The following MRPL46 variants were observed in gnomAD, a reference collection of about 807,000 sequenced individuals.
MRPL46 encodes the protein mitochondrial ribosomal protein L46.
MRPL46 carries 26 observed loss-of-function variants against 31.0 expected under a neutral mutation model. That is an observed-to-expected ratio of 0.84 (90% CI 0.61 to 1.16). The LOEUF is 1.16. Ranked by LOEUF, MRPL46 falls within the 50% of genes most tolerant of loss-of-function variation. The probability of loss-of-function intolerance (pLI) is 0.00; values close to 1 mark genes in which losing one functional copy is unlikely to be tolerated. For synonymous variants in MRPL46, 159 were observed against 141.3 expected, an observed-to-expected ratio of 1.13 and a Z score of -0.89; for missense variants, 395 against 340.0, an observed-to-expected ratio of 1.16 and a Z score of -1.27.
chr15:88,459,938 T>G (rs902715709), intron 3 of MRPL46, 75 bp from the exon 4 acceptor site: 2 of 1,557,120 alleles, frequency 1.3e-6, no homozygotes, highest in African/African-American at 2.7e-5. Context: ...CTCCCAAAAT[T>G]ATAGGGGGTC....
chr15:88,464,916 T>C (rs749952367), intron 2 of MRPL46, 40 bp from the exon 3 acceptor site: 6 of 1,584,204 alleles, frequency 3.8e-6, no homozygotes, highest in Non-Finnish European at 5.1e-6. Flanking sequence ...AAGACTGTGA[T>C]CTGCCAGAAC....
rs1273393336 is a variant in MRPL46, at chr15:88,464,778, T to C, written c.514A>G (p.Ile172Val). ...REKFGDQDVW[I>V]LPQAEWQPGE... Reference sequence around the variant, plus strand: ...GGCTGCCACTCTGCCTGGGGCAGTATCCAAACATCCTGGTCTCCAAACTTC... The same window carrying C: ...GGCTGCCACTCTGCCTGGGGCAGTACCCAAACATCCTGGTCTCCAAACTTC... Residue 172 changes from isoleucine (I) to valine (V), a missense_variant, in exon 3 of 4, where the codon ATA becomes GTA. Physicochemically the swap from Ile to Val is conservative, Grantham distance 29 (BLOSUM62 3). Transcript: ENST00000312475. The C allele has an allele frequency of 1.2e-6, 2 of 1,614,002 alleles. No individual in the cohort carries two copies. The highest frequency in any genetic ancestry group is 4.5e-5 in the East Asian group (2 of 44,880).
chr15:88,464,966 C>T lies in MRPL46; in HGVS notation c.416-90G>A, dbSNP rs377028730. On this transcript the variant is annotated intron_variant, in intron 2 of 3. Transcript: ENST00000312475. Reference sequence around the variant, plus strand: ...TTTTACAATCTTCCTTTAAGATCCACAATCCTTGCCCTCAAAGAGCTTAGA... The same window carrying T: ...TTTTACAATCTTCCTTTAAGATCCATAATCCTTGCCCTCAAAGAGCTTAGA... 1.0e-3 allele frequency: 1,444 copies of T among 1,450,346 alleles called. 1 individual carries two copies. Among genetic ancestry groups the T allele is most frequent in the Non-Finnish European group, 1.2e-3 (1,287 of 1,072,772 alleles). 89.8% of individuals were successfully genotyped at this position (1,450,346 alleles called of 1,614,324 possible).
Position 88,464,944 on chromosome 15 carries a change from T to A in MRPL46, c.416-68A>T, listed in dbSNP as rs16941887. The A allele has an allele frequency of 0.013, 19,607 of 1,528,174 alleles. 2,033 individuals are homozygous for A. The African/African-American group carries it at 0.23, about 18-fold the overall frequency. The allele number at this position is 1,528,174 out of a possible 1,614,324, so 94.7% of individuals were successfully genotyped here. On this transcript the variant is annotated intron_variant, in intron 2 of 3. Coordinates refer to ENST00000312475, the MANE Select transcript of MRPL46 (RefSeq NM_022163.4). ...GCCAGAACCAAGAAACCTGGAGTTTTACAATCTTCCTTTAAGATCCACAAT... is the reference window on the plus strand; with the variant it reads ...GCCAGAACCAAGAAACCTGGAGTTTAACAATCTTCCTTTAAGATCCACAAT...
intron 1 of MRPL46, among the ~76,000 whole-genome samples, chr15:88,466,015 G>A (rs2055526907): frequency 6.6e-6 from 1 of 152,156 alleles, no homozygotes; most frequent in Non-Finnish European, 1.5e-5. Flanking sequence ...GGGGTCAAGA[G>A]TGCTACAAAA....
At position 88,464,835 on chromosome 15, in the gene MRPL46, G is replaced by C. The variant is rs901925126; in HGVS notation, c.457C>G (p.Leu153Val). The change falls in exon 3 of 4, where the codon CTA becomes GTA. Residue 153 changes from leucine (L) to valine (V), a missense_variant. Coordinates refer to ENST00000312475, the MANE Select transcript of MRPL46 (RefSeq NM_022163.4). The part of the protein sequence containing the change: ...KNDRTSLNRK[L>V]DRNLVLLVRE... The stretch of plus-strand genomic sequence containing the variant: ...ACTAACAGGACAAGGTTCCTGTCTA[G>C]CTTCCTGTTCAGGGATGTTCGGTCA... The C allele has an allele frequency of 1.4e-5, 23 of 1,613,988 alleles. No homozygotes were observed. Among genetic ancestry groups the C allele is most frequent in the Admixed American group, 1.7e-5 (1 of 60,002 alleles).
intron 3 of MRPL46, 121 bp downstream of exon 3, chr15:88,464,582 T>C: frequency 9.1e-7 from 1 of 1,096,952 alleles, no homozygotes; most frequent in Non-Finnish European, 1.3e-6. Flanking sequence ...TTTTATAAAC[T>C]TCAAAATTTC....
At position 88,467,207 on chromosome 15, in the gene MRPL46, AG is replaced by A. The variant is rs1283303403; in HGVS notation, c.170del (p.Pro57LeufsTer2). 1 of 1,614,014 alleles carries A rather than the reference AG, an allele frequency of 6.2e-7. No homozygotes were observed. The highest frequency in any genetic ancestry group is 8.5e-7 in the Non-Finnish European group (1 of 1,180,012). ...ATGGGGTCAACGGCTTGGAGACTAC[AG>A]GTGGCCGCTGCAGGCACAACGCGCC... ...LLGALCLQRP[P>X]VVSKPLTPLQ... is the part of the protein sequence containing the mutation. On this transcript the variant is annotated frameshift_variant, in exon 1 of 4. Coordinates refer to ENST00000312475, the MANE Select transcript of MRPL46 (RefSeq NM_022163.4). LOFTEE classifies it high-confidence loss of function.
chr15:88,465,210 C>G (rs1443749290), intron 2 of MRPL46: 1 of 412,062 alleles, frequency 2.4e-6, no homozygotes, highest in Admixed American at 4.1e-5. Context: ...CCCCTACTTT[C>G]TCTGTTCTTC....
rs369632468 is a variant in MRPL46 at position 88,464,914 on chromosome 15, G to GA, written c.416-39dup. Reference sequence around the variant, plus strand: ...GGGTCAGAGGAGGTAAGAAGACTGTGATCTGCCAGAACCAAGAAACCTGGA... The same window carrying GA: ...GGGTCAGAGGAGGTAAGAAGACTGTGAATCTGCCAGAACCAAGAAACCTGGA... On this transcript the variant is annotated intron_variant, in intron 2 of 3. Coordinates refer to ENST00000312475, the MANE Select transcript of MRPL46 (RefSeq NM_022163.4). The GA allele has an allele frequency of 2.4e-4, 383 of 1,583,606 alleles. No individual in the cohort carries two copies. The African/African-American group carries it at 4.4e-3, about 18-fold the overall frequency.
intron 2 of MRPL46, 81 bp downstream of exon 2, chr15:88,465,506 A>G (rs1371401864): frequency 1.5e-6 from 2 of 1,364,804 alleles, no homozygotes; most frequent in East Asian, 2.4e-5. Flanking sequence ...AACACAAAGC[A>G]GGGGCCAAGC....
chr15:88,465,712 C>CG lies in MRPL46; in HGVS notation c.289dup (p.Arg97ProfsTer8). 6.2e-7 allele frequency: 1 copy of CG among 1,613,806 alleles called. No homozygotes were observed. Among genetic ancestry groups the CG allele is most frequent in the Non-Finnish European group, 8.5e-7 (1 of 1,179,982 alleles). On this transcript the variant is annotated frameshift_variant, in exon 2 of 4. Coordinates refer to ENST00000312475, the MANE Select transcript of MRPL46 (RefSeq NM_022163.4). LOFTEE classifies it high-confidence loss of function. ...AAGGTCAGCTTTCTTCTTTGCCAGT[C>CG]GCTGGTTTTCATCCAGAGCACGAAG...
intron 3 of MRPL46, 79 bp downstream of exon 3, chr15:88,464,624 A>G: frequency 7.0e-7 from 1 of 1,424,592 alleles, no homozygotes; most frequent in Non-Finnish European, 9.6e-7. Flanking sequence ...CCTTAATCCA[A>G]TTCCCCAGTC....
chr15:88,466,312 T>G (rs563109346), intron 1 of MRPL46, among the ~76,000 whole-genome samples: 1 of 152,328 alleles, frequency 6.6e-6, no homozygotes, highest in South Asian at 2.1e-4. Context: ...AATCAAAATG[T>G]GATGTATTTG....
Position 88,459,843 on chromosome 15 carries a change from A to G in MRPL46, c.610T>C (p.Phe204Leu). The change falls in exon 4 of 4, where the codon TTC becomes CTC. Residue 204 changes from phenylalanine to leucine, a missense_variant. By Grantham distance (22) the Phe-to-Leu change is conservative. Coordinates refer to ENST00000312475, the MANE Select transcript of MRPL46 (RefSeq NM_022163.4). ...TGCCCACAGGGTGCATTTCCTAGGA[A>G]CTTGGCTTCCATGTTGTTTTCTGAA... ...TLSENNMEAK[F>L]LGNAPCGHYT... is the part of the protein sequence containing the mutation. 1 of 1,614,104 alleles carries G rather than the reference A, an allele frequency of 6.2e-7. No individual in the cohort carries two copies. The highest frequency in any genetic ancestry group is 1.1e-5 in the South Asian group (1 of 91,078).
At chr15:88,465,354 G>T (rs1326080445) in intron 2 of MRPL46, 8 of 453,096 alleles carry the variant, frequency 1.8e-5, no homozygotes, top group Non-Finnish European at 3.0e-5. Context: ...GTTAAACACA[G>T]ATAACATTCA....
In MRPL46 at chr15:88,459,841, G is replaced by C; in HGVS notation, c.612C>G (p.Phe204Leu). 6.2e-7 allele frequency: 1 copy of C among 1,614,074 alleles called. No homozygotes were observed. Among genetic ancestry groups the C allele is most frequent in the Non-Finnish European group, 8.5e-7 (1 of 1,179,984 alleles). Residue 204 changes from phenylalanine to leucine, a missense_variant, in exon 4 of 4, where the codon TTC (phenylalanine) becomes TTG (leucine). Transcript: ENST00000312475. ...AGTGCCCACAGGGTGCATTTCCTAG[G>C]AACTTGGCTTCCATGTTGTTTTCTG... ...TLSENNMEAKFLGNAPCGHYT... is the reference protein window; with the variant it reads ...TLSENNMEAKLLGNAPCGHYT...
chr15:88,460,118 A>G lies in MRPL46; in HGVS notation c.590-255T>C, dbSNP rs570851015. On this transcript the variant is annotated intron_variant, in intron 3 of 3. Coordinates refer to ENST00000312475, the MANE Select transcript of MRPL46 (RefSeq NM_022163.4). ...TACTGTTTTTAGACTGAAAGTCAGC[A>G]ACACAGTTACAATCACACCTGGGAG... 5.0e-4 allele frequency: 245 copies of G among 492,608 alleles called. 2 individuals carry two copies. The highest frequency in any genetic ancestry group is 4.4e-3 in the African/African-American group (230 of 51,750). 30.5% of individuals were successfully genotyped at this position (492,608 alleles called of 1,614,324 possible).
chr15:88,465,809 C>A (rs753217825), intron 1 of MRPL46, 36 bp from the exon 2 acceptor site: 2 of 1,519,932 alleles, frequency 1.3e-6, no homozygotes, highest in South Asian at 1.3e-5. Flanking sequence ...CTACCTTAAT[C>A]TGGCAAAATT....
Sources: allele counts gnomAD v4.1 joint callset (sites outside exome capture counted in the v4.1 genomes callset), GRCh38; gene constraint gnomAD v4.1.1; transcripts MANE v1.5; gene names NCBI Gene and HGNC (gene_info 2026-07-23, HGNC 2026-07-21).